The following UQCC6 variants were observed in gnomAD, a reference collection of about 807,000 sequenced individuals.
UQCC6 encodes the protein protein BRAWNIN.
At chr12:103,953,302 A>G in the UQCC6 span, 1 of 699,330 alleles carries the variant, frequency 1.4e-6, no homozygotes, top group South Asian at 1.5e-5. Flanking sequence ...GGATCTGCTC[A>G]TATGTACAGT....
chr12:103,953,516 G>A, the UQCC6 span: 1 of 702,398 alleles, frequency 1.4e-6, no homozygotes, highest in Non-Finnish European at 2.6e-6. Flanking sequence ...CCGACCGAAA[G>A]ACTTGTGATC....
chr12:103,950,541 CCTT>C, the UQCC6 span: 3 of 152,226 alleles, frequency 2.0e-5, no homozygotes, highest in Non-Finnish European at 4.4e-5. Context: ...CCGAGGCAAT[CCTT>C]CTAGAAGCTG....
chr12:103,954,959 T>C, the UQCC6 span: 9 of 701,298 alleles, frequency 1.3e-5, no homozygotes, highest in African/African-American at 1.6e-4. Context: ...CTTCTCAACC[T>C]GTTTCTCATC....
chr12:103,956,637 C>A, the UQCC6 span: 1 of 1,548,640 alleles, frequency 6.5e-7, no homozygotes. Context: ...TCACCAGGTC[C>A]GGTCGGTAGT....
At chr12:103,962,968 A>C in the UQCC6 span, among the ~76,000 whole-genome samples, 1 of 152,112 alleles carries the variant, frequency 6.6e-6, no homozygotes, top group South Asian at 2.1e-4. Flanking sequence ...ACTACCTTTG[A>C]AGCTTAGTTG....
the UQCC6 span, chr12:103,956,821 C>T: frequency 1.3e-5 from 12 of 955,188 alleles, no homozygotes; most frequent in East Asian, 3.2e-4. Flanking sequence ...TGAGGCGCTC[C>T]AGCCAGCGCT....
the UQCC6 span, chr12:103,950,657 A>G: frequency 1.3e-5 from 2 of 152,202 alleles, no homozygotes; most frequent in African/African-American, 4.8e-5. Context: ...ATTTTTCACA[A>G]TGGGGATCAA....
chr12:103,962,387 T>G, the UQCC6 span, among the ~76,000 whole-genome samples: 3 of 152,218 alleles, frequency 2.0e-5, no homozygotes, highest in South Asian at 2.1e-4. Context: ...TCTTCTATAT[T>G]TTCTTCTAGA....
At chr12:103,964,527 G>C in the UQCC6 span, among the ~76,000 whole-genome samples, 10 of 152,170 alleles carry the variant, frequency 6.6e-5, no homozygotes, top group Non-Finnish European at 1.3e-4. Flanking sequence ...AGTGAGAGAA[G>C]CCCTTGCTGC....
the UQCC6 span, among the ~76,000 whole-genome samples, chr12:103,960,864 C>T: frequency 1.3e-5 from 2 of 152,002 alleles, no homozygotes; most frequent in African/African-American, 2.4e-5. Flanking sequence ...ATTATGTACA[C>T]TACATAATAC....
At chr12:103,959,071 A>G in the UQCC6 span, among the ~76,000 whole-genome samples, 3 of 152,212 alleles carry the variant, frequency 2.0e-5, no homozygotes, top group Admixed American at 6.5e-5. Flanking sequence ...CTTTGTGCCA[A>G]TCTTGTATGA....
chr12:103,962,549 C>A, the UQCC6 span, among the ~76,000 whole-genome samples: 1 of 152,162 alleles, frequency 6.6e-6, no homozygotes, highest in Non-Finnish European at 1.5e-5. Context: ...GGTGGAAGCT[C>A]TTCTCCATAA....
the UQCC6 span, among the ~76,000 whole-genome samples, chr12:103,964,945 A>G: frequency 1.3e-5 from 2 of 152,318 alleles, no homozygotes; most frequent in Admixed American, 6.5e-5. Flanking sequence ...AAGAAAATAC[A>G]TGGAGCACAG....
chr12:103,957,071 C>T, the UQCC6 span: 1 of 348,500 alleles, frequency 2.9e-6, no homozygotes, highest in Non-Finnish European at 5.5e-6. Flanking sequence ...CCTTCTACCT[C>T]TTGGAGGAGA....
the UQCC6 span, chr12:103,957,025 A>T: frequency 4.6e-6 from 2 of 432,078 alleles, no homozygotes; most frequent in Non-Finnish European, 8.5e-6. Context: ...CTTGATCAGC[A>T]AGCGGAAAAC....
chr12:103,963,722 G>A, the UQCC6 span, among the ~76,000 whole-genome samples: 1 of 151,916 alleles, frequency 6.6e-6, no homozygotes, highest in East Asian at 1.9e-4. Context: ...ATTGTGAATG[G>A]TATTTTTTCT....
At chr12:103,955,810 A>G in the UQCC6 span, 1 of 455,982 alleles carries the variant, frequency 2.2e-6, no homozygotes, top group Admixed American at 2.3e-5. Flanking sequence ...TATTTGTGCC[A>G]TACTTTCTCA....
the UQCC6 span, chr12:103,957,151 G>C: frequency 6.2e-6 from 1 of 160,076 alleles, no homozygotes; most frequent in Non-Finnish European, 1.4e-5. Context: ...GCGAACTGCA[G>C]GGATGCTGGG....
At chr12:103,959,361 T>G in the UQCC6 span, among the ~76,000 whole-genome samples, 3 of 152,196 alleles carry the variant, frequency 2.0e-5, no homozygotes, top group Non-Finnish European at 4.4e-5. Context: ...TCCATTTTTA[T>G]TAGGTACATC....
Sources: gnomAD v4.1 joint callset for allele counts (sites outside exome capture counted in the v4.1 genomes callset) on GRCh38, gnomAD v4.1.1 for gene constraint, MANE v1.5 for transcripts, NCBI Gene and HGNC (gene_info 2026-07-23, HGNC 2026-07-21) for gene names.